Variants in CTPS2 observed in about 807,000 individuals in gnomAD.
CTPS2 encodes CTP synthase 2.
A neutral mutation model predicts 46.8 loss-of-function variants in CTPS2; 19 were observed. The ratio of observed to expected loss-of-function variants is 0.41; its 90% CI spans 0.28 to 0.60. CTPS2 has a LOEUF of 0.60. Among genes scored for constraint, CTPS2 ranks in the 20% least tolerant of loss-of-function variants. The probability of loss-of-function intolerance (pLI) is 0.35; values close to 1 mark genes in which losing one functional copy is unlikely to be tolerated. For synonymous variants in CTPS2, 151 were observed against 165.2 expected (o/e 0.91, Z 0.66); for missense variants, 286 against 447.6 (o/e 0.64, Z 3.26).
intron 17 of CTPS2, among the ~76,000 whole-genome samples, chrX:16,598,950 ACAAAAAC>A (rs1929468004): frequency 8.9e-6 from 1 of 111,956 alleles, no homozygotes; most frequent in Non-Finnish European, 1.9e-5. Flanking sequence ...AGAACCAAAG[ACAAAAAC>A]CACATGATTA....
rs907549706 is a variant in CTPS2, at chrX:16,712,491, C to T, written c.-196G>A. 8.9e-6 allele frequency: 1 copy of T among 112,864 alleles called. No individual in the cohort carries two copies. Among genetic ancestry groups the T allele is most frequent in the Non-Finnish European group, 1.9e-5 (1 of 53,247 alleles). The allele number at this position is 112,864 out of a possible 1,213,427, so 9.3% of individuals were successfully genotyped here. On this transcript the variant is annotated 5_prime_UTR_variant, in exon 1 of 19. Transcript: ENST00000359276. ...ATCTTCCCACCGCCCACACGGGCCT[C>T]GGGGTGCGCGGCGCCCTCCTCGCCC... is the stretch of plus-strand genomic sequence containing the variant.
rs888659830 is a variant in CTPS2 at position 16,697,372 on chromosome X, G to C, written c.438+864C>G. On this transcript the variant is annotated intron_variant, in intron 4 of 18. Coordinates refer to ENST00000359276, the MANE Select transcript of CTPS2 (RefSeq NM_175859.3). Reference sequence around the variant, plus strand: ...AGGATATGGATGTTATTGTCATTCTGCACGTGGAGAGGAAGGGAACAAGGT... The same window carrying C: ...AGGATATGGATGTTATTGTCATTCTCCACGTGGAGAGGAAGGGAACAAGGT... Among the ~76,000 whole-genome samples, 4 of 108,394 alleles carry C rather than the reference G, an allele frequency of 3.7e-5. No homozygotes were observed. In the East Asian group the frequency reaches 1.1e-3, roughly 31 times the overall value. 94.1% of individuals were successfully genotyped at this position (108,394 alleles called of 115,157 possible).
intron 7 of CTPS2, among the ~76,000 whole-genome samples, chrX:16,690,873 G>A (rs781396244): frequency 2.7e-5 from 3 of 112,474 alleles, no homozygotes; most frequent in Non-Finnish European, 5.6e-5. Context: ...GAATGTCAAC[G>A]TGCTCGTGTG....
At chrX:16,710,073 C>G (rs1925357196) in intron 1 of CTPS2, among the ~76,000 whole-genome samples, 1 of 109,550 alleles carries the variant, frequency 9.1e-6, no homozygotes, top group South Asian at 3.9e-4. Flanking sequence ...AAACTAGAAC[C>G]CTTTTCCCCC....
rs747026454 is a variant in CTPS2 at position 16,670,453 on chromosome X, A to G, written c.1189+127T>C. On this transcript the variant is annotated intron_variant, in intron 11 of 18. Coordinates refer to ENST00000359276, the MANE Select transcript of CTPS2 (RefSeq NM_175859.3). ...ATATAGTTTGTTGACCCTATAGCAGACTATTTGGCACCTGAACTTTCAAAT... is the reference window on the plus strand; with the variant it reads ...ATATAGTTTGTTGACCCTATAGCAGGCTATTTGGCACCTGAACTTTCAAAT... The G allele has an allele frequency of 4.3e-5, 21 of 493,747 alleles. No homozygotes were observed. In the South Asian group the frequency reaches 7.4e-4, roughly 17 times the overall value. The allele number at this position is 493,747 out of a possible 1,213,427, so 40.7% of individuals were successfully genotyped here.
intron 14 of CTPS2, among the ~76,000 whole-genome samples, chrX:16,625,545 C>T (rs1003269889): frequency 8.9e-6 from 1 of 112,007 alleles, no homozygotes; most frequent in Non-Finnish European, 1.9e-5. Context: ...GGGCTTGCTA[C>T]AGTGCTCTTT....
chrX:16,651,628 T>G (rs762499893), intron 13 of CTPS2, among the ~76,000 whole-genome samples: 1 of 112,459 alleles, frequency 8.9e-6, no homozygotes, highest in African/African-American at 3.2e-5. Context: ...CTCATTTATA[T>G]TTCAAAAGCA....
chrX:16,663,904 C>T (rs145364278), intron 13 of CTPS2, among the ~76,000 whole-genome samples: 4,161 of 110,672 alleles, frequency 0.038, 207 homozygotes, highest in African/African-American at 0.13. Context: ...GGTGCAATCT[C>T]GGCTCACTGG....
At chrX:16,671,500 T>C (rs1921740534) in intron 10 of CTPS2, among the ~76,000 whole-genome samples, 5 of 87,029 alleles carry the variant, frequency 5.7e-5, no homozygotes, top group Non-Finnish European at 1.1e-4. Flanking sequence ...TCCAGTAACA[T>C]TTTTCTTTTT....
chrX:16,701,732 CT>C (rs1924585652), intron 2 of CTPS2, among the ~76,000 whole-genome samples: 1 of 109,653 alleles, frequency 9.1e-6, no homozygotes, highest in Non-Finnish European at 1.9e-5. Flanking sequence ...TCCCGAGTAG[CT>C]GGGACTACAG....
intron 13 of CTPS2, among the ~76,000 whole-genome samples, chrX:16,645,550 G>A (rs189324531): frequency 1.0e-3 from 116 of 111,945 alleles, no homozygotes; most frequent in Non-Finnish European, 2.6e-4. Context: ...TCCAACCTGC[G>A]CTGCTGTGTC....
chrX:16,671,272 TATC>T (rs901323237), intron 10 of CTPS2, among the ~76,000 whole-genome samples: 2 of 110,722 alleles, frequency 1.8e-5, no homozygotes, highest in African/African-American at 6.6e-5. Flanking sequence ...ATGTGGAAAA[TATC>T]ATCAAGAGAG....
At chrX:16,691,698 C>T (rs903715195) in intron 6 of CTPS2, 78 bp from the exon 7 acceptor site, 68 of 865,318 alleles carry the variant, frequency 7.9e-5, no homozygotes, top group Non-Finnish European at 1.1e-4. Flanking sequence ...TTACAAGAAA[C>T]TTGGCCAAGT....
intron 17 of CTPS2, among the ~76,000 whole-genome samples, chrX:16,594,837 A>G (rs1602107594): frequency 8.9e-6 from 1 of 112,632 alleles, no homozygotes; most frequent in East Asian, 2.8e-4. Flanking sequence ...AAAACAAACC[A>G]TGACACTCAA....
At chrX:16,693,580 A>G in intron 4 of CTPS2, 93 bp from the exon 5 acceptor site, 1 of 585,514 alleles carries the variant, frequency 1.7e-6, no homozygotes, top group Middle Eastern at 3.3e-4. Flanking sequence ...TAAACCGAGC[A>G]TGAGAACTAA....
At chrX:16,694,022 G>C (rs1430177911) in intron 4 of CTPS2, among the ~76,000 whole-genome samples, 1 of 109,926 alleles carries the variant, frequency 9.1e-6, no homozygotes, top group Non-Finnish European at 1.9e-5. Flanking sequence ...AAATTAGCTG[G>C]ACGTGGTGGG....
chrX:16,670,457 T>C, intron 11 of CTPS2, 123 bp downstream of exon 11: 1 of 512,304 alleles, frequency 2.0e-6, no homozygotes. Flanking sequence ...TAGCAGACTA[T>C]TTGGCACCTG....
chrX:16,706,717 C>T (rs1248422635), intron 1 of CTPS2, among the ~76,000 whole-genome samples: 3 of 110,500 alleles, frequency 2.7e-5, no homozygotes, highest in Non-Finnish European at 5.7e-5. Flanking sequence ...AAAAATTAGC[C>T]GGGCGTGGTT....
At chrX:16,651,046 T>G in intron 13 of CTPS2, 1 of 1,206,459 alleles carries the variant, frequency 8.3e-7, no homozygotes, top group Non-Finnish European at 1.1e-6. Flanking sequence ...GAAGAGGATT[T>G]TTGAAAAATA....
Sources: gnomAD v4.1 joint callset for allele counts (sites outside exome capture counted in the v4.1 genomes callset) on GRCh38, gnomAD v4.1.1 for gene constraint, MANE v1.5 for transcripts, NCBI Gene and HGNC (gene_info 2026-07-23, HGNC 2026-07-21) for gene names.